CDH2: variants seen among roughly 807,000 people sequenced by gnomAD.
CDH2 encodes cadherin-2.
A neutral mutation model predicts 92.0 loss-of-function variants in CDH2; 17 were observed. That is an observed-to-expected ratio of 0.18 (90% CI 0.13 to 0.28). The LOEUF is 0.28. Among genes scored for constraint, CDH2 ranks in the 10% least tolerant of loss-of-function variants. The pLI, the probability that CDH2 is intolerant of heterozygous loss-of-function variation, is 1.00. For missense variants in CDH2, 862 were observed against 1,133.1 expected (o/e 0.76, Z 3.44); for synonymous variants, 419 against 415.9 (o/e 1.01, Z -0.09).
intron 3 of CDH2, among the ~76,000 whole-genome samples, chr18:28,013,002 C>T (rs1170626288): frequency 6.6e-6 from 1 of 152,014 alleles, no homozygotes; most frequent in Non-Finnish European, 1.5e-5. Flanking sequence ...TTTGAATTAA[C>T]TCAAAAAACT....
downstream of CDH2, among the ~76,000 whole-genome samples, chr18:27,950,331 C>T (rs1909385687): frequency 6.6e-6 from 1 of 152,038 alleles, no homozygotes; most frequent in Admixed American, 6.6e-5. Flanking sequence ...GTGGAGAATT[C>T]CTTTGCCTCT....
rs181835296 is a variant in CDH2, at chr18:28,102,490, G to A, written c.172+45183C>T. Among the ~76,000 whole-genome samples, 238 of 152,220 alleles carry A rather than the reference G, an allele frequency of 1.6e-3. 1 individual carries two copies. The highest frequency in any genetic ancestry group is 4.4e-3 in the African/African-American group (181 of 41,536). ...ATCCAGCCCTGTGAGCAAAGCTATG[G>A]ACTACGTGCAAGAAAAGAGGTTTCT... On this transcript the variant is annotated intron_variant, in intron 2 of 15. Transcript: ENST00000269141.
intron 3 of CDH2, 75 bp from the exon 4 acceptor site, chr18:28,012,067 AC>A (rs1288339214): frequency 2.4e-6 from 3 of 1,232,108 alleles, no homozygotes; most frequent in Non-Finnish European, 3.4e-6. Context: ...ATTATTGAAT[AC>A]CTGAAAGCAT....
At chr18:28,159,366 C>G (rs2016270460) in intron 1 of CDH2, 1 of 152,180 alleles carries the variant, frequency 6.6e-6, no homozygotes, top group South Asian at 2.1e-4. Context: ...GGGGGACTTG[C>G]CAATAGATGA....
At chr18:27,966,263 C>T (rs1454105828) in intron 14 of CDH2, among the ~76,000 whole-genome samples, 2 of 152,062 alleles carry the variant, frequency 1.3e-5, no homozygotes, top group African/African-American at 4.8e-5. Context: ...CTAAATTACA[C>T]ACAAAAAGGT....
chr18:28,032,906 G>C (rs1176892931), intron 2 of CDH2, among the ~76,000 whole-genome samples: 1 of 152,068 alleles, frequency 6.6e-6, no homozygotes, highest in South Asian at 2.1e-4. Flanking sequence ...TTTACAGTGA[G>C]TATAGAGATA....
At chr18:28,046,219 A>G (rs2014072234) in intron 2 of CDH2, among the ~76,000 whole-genome samples, 1 of 152,302 alleles carries the variant, frequency 6.6e-6, no homozygotes, top group East Asian at 1.9e-4. Context: ...AAAAAAAGCT[A>G]TTGTTATCTA....
At chr18:28,025,103 T>C (rs955041486) in intron 2 of CDH2, among the ~76,000 whole-genome samples, 1 of 152,118 alleles carries the variant, frequency 6.6e-6, no homozygotes, top group African/African-American at 2.4e-5. Flanking sequence ...GTGGGAAAGT[T>C]GGGAAATTTT....
At chr18:28,085,121 C>G (rs1413951656) in intron 2 of CDH2, among the ~76,000 whole-genome samples, 1 of 152,144 alleles carries the variant, frequency 6.6e-6, no homozygotes, top group African/African-American at 2.4e-5. Flanking sequence ...ACCCTGACTT[C>G]CTCTAGAGAG....
intron 2 of CDH2, among the ~76,000 whole-genome samples, chr18:28,068,445 T>C (rs1462388286): frequency 6.6e-6 from 1 of 152,176 alleles, no homozygotes; most frequent in East Asian, 1.9e-4. Flanking sequence ...CAAACACTCA[T>C]GTCACTATCA....
intron 2 of CDH2, among the ~76,000 whole-genome samples, chr18:28,123,247 T>G (rs1181128389): frequency 6.6e-6 from 1 of 152,186 alleles, no homozygotes; most frequent in Non-Finnish European, 1.5e-5. Context: ...CCAAAGTGTT[T>G]TATTCATGCT....
chr18:28,024,167 A>G (rs998075927), intron 2 of CDH2, among the ~76,000 whole-genome samples: 1 of 152,168 alleles, frequency 6.6e-6, no homozygotes, highest in African/African-American at 2.4e-5. Context: ...GCTTCACTTC[A>G]TCACTTTTGC....
intron 2 of CDH2, among the ~76,000 whole-genome samples, chr18:28,071,598 ATTTTAT>A: frequency 6.6e-6 from 1 of 152,266 alleles, no homozygotes; most frequent in Admixed American, 6.5e-5. Flanking sequence ...AATTAAACCT[ATTTTAT>A]TGCTAAATAA....
intron 13 of CDH2, 131 bp from the exon 14 acceptor site, chr18:27,983,214 A>C: frequency 3.3e-6 from 2 of 615,188 alleles, no homozygotes; most frequent in Non-Finnish European, 5.4e-6. Context: ...TCACTCTACT[A>C]TCTATTTCTG....
intron 1 of CDH2, among the ~76,000 whole-genome samples, chr18:28,163,445 A>G (rs972319388): frequency 6.6e-6 from 1 of 152,236 alleles, no homozygotes; most frequent in Admixed American, 6.5e-5. Context: ...AGGCTTACTG[A>G]ATCAGACTAT....
intron 2 of CDH2, among the ~76,000 whole-genome samples, chr18:28,034,432 A>ATT (rs66954863): frequency 6.6e-6 from 1 of 151,756 alleles, no homozygotes; most frequent in Non-Finnish European, 1.5e-5. Context: ...TTTTAAATAT[A>ATT]TTTTTTTTCT....
At position 28,009,810 on chromosome 18, in the gene CDH2, G is replaced by A. The variant is rs1411133816; in HGVS notation, c.609C>T (p.Asp203=). The change falls in exon 5 of 16, where the codon GAC becomes GAT. Residue 203 remains aspartate, a synonymous_variant. Transcript: ENST00000269141. ...TAATGAAGATACCAGTTGGAGGCTG[G>A]TCAGCTCCTGGCCCAGTTACACTGT... ...LRYSVTGPGA[D]QPPTGIFIIN... 1 of 1,613,910 alleles carries A rather than the reference G, an allele frequency of 6.2e-7. No individual in the cohort carries two copies.
At chr18:28,132,032 T>C (rs537070342) in intron 2 of CDH2, among the ~76,000 whole-genome samples, 1 of 152,298 alleles carries the variant, frequency 6.6e-6, no homozygotes, top group African/African-American at 2.4e-5. Context: ...TGACCTCCTC[T>C]CAGGCTCATT....
intron 15 of CDH2, among the ~76,000 whole-genome samples, chr18:27,952,577 A>AG: frequency 6.6e-6 from 1 of 152,300 alleles, no homozygotes; most frequent in Non-Finnish European, 1.5e-5. Context: ...AACAACCCTA[A>AG]GCAGTCAAGC....
Sources: allele counts gnomAD v4.1 joint callset (sites outside exome capture counted in the v4.1 genomes callset), GRCh38; gene constraint gnomAD v4.1.1; transcripts MANE v1.5; gene names NCBI Gene and HGNC (gene_info 2026-07-23, HGNC 2026-07-21).